UST: variants seen among roughly 807,000 people sequenced by gnomAD.
The protein encoded by UST is uronyl 2-sulfotransferase, also known as chondroitin sulfate 2-O-sulfotransferase.
UST carries 21 observed loss-of-function variants against 45.6 expected under a neutral mutation model. The ratio of observed to expected loss-of-function variants is 0.46; its 90% CI spans 0.33 to 0.66. The LOEUF (loss-of-function observed/expected upper bound fraction) is 0.66, where lower values mean the gene tolerates loss of function less well. UST is among the 30% of genes least tolerant of loss of function. UST has a pLI of 0.02. For missense variants in UST, 463 were observed against 512.4 expected, an observed-to-expected ratio of 0.90 and a Z score of 0.93; for synonymous variants, 215 against 200.6, an observed-to-expected ratio of 1.07 and a Z score of -0.61.
chr6:149,071,598 C>T (rs541836268), intron 7 of UST, among the ~76,000 whole-genome samples: 1 of 151,152 alleles, frequency 6.6e-6, no homozygotes, highest in South Asian at 2.1e-4. Flanking sequence ...AAAAGTCAGG[C>T]AATATGAGAA....
intron 7 of UST, among the ~76,000 whole-genome samples, chr6:149,066,910 A>T (rs1391581378): frequency 6.6e-6 from 1 of 152,124 alleles, no homozygotes; most frequent in Admixed American, 6.6e-5. Flanking sequence ...AGCCTGGGCA[A>T]CAGAGCAAGA....
At chr6:148,829,874 GGT>G (rs1777649784) in intron 1 of UST, among the ~76,000 whole-genome samples, 1 of 152,070 alleles carries the variant, frequency 6.6e-6, no homozygotes, top group South Asian at 2.1e-4. Context: ...TATTTTGGAA[GGT>G]GTTTTAAAAA....
At chr6:148,812,470 G>C (rs1483699711) in intron 1 of UST, among the ~76,000 whole-genome samples, 1 of 152,150 alleles carries the variant, frequency 6.6e-6, no homozygotes, top group African/African-American at 2.4e-5. Context: ...CAGTTTCTGG[G>C]GGTCAGGAAT....
intron 2 of UST, among the ~76,000 whole-genome samples, chr6:148,888,262 T>C (rs1778947653): frequency 1.3e-5 from 2 of 152,156 alleles, no homozygotes; most frequent in East Asian, 3.9e-4. Context: ...ACTGTCGCCA[T>C]GACAGCACCA....
intron 1 of UST, among the ~76,000 whole-genome samples, chr6:148,769,499 G>A (rs1024184584): frequency 6.6e-6 from 1 of 152,248 alleles, no homozygotes; most frequent in South Asian, 2.1e-4. Flanking sequence ...CCGTGCAGCT[G>A]TGTGACCTTG....
In UST at chr6:149,076,546, GCCAACACC is replaced by G. The variant is rs1776892275; in HGVS notation, c.*2432_*2439del. ...AGGGCCTTAATGTTATTTTGTCCCA[GCCAACACC>G]CTCTAGGTCCTAAAAGTCAAGGTAC... is the stretch of plus-strand genomic sequence containing the variant. On this transcript the variant is annotated 3_prime_UTR_variant, in exon 8 of 8. Coordinates refer to ENST00000367463, the MANE Select transcript of UST (RefSeq NM_005715.3). 1 of 152,592 alleles carries G rather than the reference GCCAACACC, an allele frequency of 6.6e-6. No individual in the cohort carries two copies. Among genetic ancestry groups the G allele is most frequent in the Admixed American group, 6.5e-5 (1 of 15,286 alleles). 9.5% of individuals were successfully genotyped at this position (152,592 alleles called of 1,614,324 possible).
intron 3 of UST, among the ~76,000 whole-genome samples, chr6:148,953,640 G>A (rs1780414082): frequency 1.3e-5 from 2 of 151,930 alleles, no homozygotes; most frequent in South Asian, 4.2e-4. Flanking sequence ...GCGTGGTGGC[G>A]GGCGCCTGTA....
chr6:148,785,152 G>T (rs1437978080), intron 1 of UST, among the ~76,000 whole-genome samples: 1 of 150,590 alleles, frequency 6.6e-6, no homozygotes, highest in African/African-American at 2.4e-5. Context: ...AGTGAGCCGA[G>T]ACTGAGCCAC....
At chr6:148,754,357 C>T (rs1395600119) in intron 1 of UST, among the ~76,000 whole-genome samples, 3 of 152,074 alleles carry the variant, frequency 2.0e-5, no homozygotes, top group African/African-American at 7.2e-5. Context: ...TATTTGGTTA[C>T]GTGAGTAAGT....
At chr6:148,872,461 G>A (rs139346279) in intron 1 of UST, among the ~76,000 whole-genome samples, 103 of 152,182 alleles carry the variant, frequency 6.8e-4, no homozygotes, top group African/African-American at 1.8e-3. Flanking sequence ...ACCTCTCTTC[G>A]GATTTCCAAC....
intron 3 of UST, among the ~76,000 whole-genome samples, chr6:148,947,370 C>G (rs1320712277): frequency 1.3e-5 from 2 of 152,172 alleles, no homozygotes; most frequent in African/African-American, 4.8e-5. Context: ...GGGGAGCGTT[C>G]TCACAATATG....
intron 1 of UST, among the ~76,000 whole-genome samples, chr6:148,839,760 A>G (rs995141556): frequency 6.6e-6 from 1 of 152,160 alleles, no homozygotes; most frequent in Admixed American, 6.5e-5. Flanking sequence ...AGTTTCCCAG[A>G]TGATGCTATG....
At chr6:148,761,968 A>G (rs9498149) in intron 1 of UST, among the ~76,000 whole-genome samples, 4,539 of 152,276 alleles carry the variant, frequency 0.03, 98 homozygotes, top group Non-Finnish European at 0.043. Flanking sequence ...ATAAATATAA[A>G]AACCAAATGG....
At chr6:148,773,023 G>C (rs1212733268) in intron 1 of UST, among the ~76,000 whole-genome samples, 3 of 151,972 alleles carry the variant, frequency 2.0e-5, no homozygotes, top group Non-Finnish European at 4.4e-5. Flanking sequence ...TGGTGGGTAC[G>C]TGATCTCACA....
chr6:148,780,568 T>G (rs977593072), intron 1 of UST, among the ~76,000 whole-genome samples: 2 of 152,240 alleles, frequency 1.3e-5, no homozygotes, highest in African/African-American at 4.8e-5. Flanking sequence ...GTTAGTTTGC[T>G]AAGGATAATG....
Position 148,902,749 on chromosome 6 carries a change from T to A in UST, c.291+15720T>A, listed in dbSNP as rs543025717. Among the ~76,000 whole-genome samples, 24 of 152,244 alleles carry A rather than the reference T, an allele frequency of 1.6e-4. No homozygotes were observed. In the South Asian group the frequency reaches 1.9e-3, roughly 12 times the overall value. On this transcript the variant is annotated intron_variant, in intron 2 of 7. Transcript: ENST00000367463. ...TTGGATTTTGGACCTCCAGGAGTAGTTGTCTGTGTTTCTTGGCCTTGTTCC... is the reference window on the plus strand; with the variant it reads ...TTGGATTTTGGACCTCCAGGAGTAGATGTCTGTGTTTCTTGGCCTTGTTCC...
chr6:149,049,931 T>TCACACACACA (rs59151398), intron 7 of UST, among the ~76,000 whole-genome samples: 69 of 134,542 alleles, frequency 5.1e-4, no homozygotes, highest in Non-Finnish European at 7.8e-4. Flanking sequence ...TCTCTCTCTC[T>TCACACACACA]CACACACACA....
At chr6:148,973,392 A>T (rs1376898981) in intron 5 of UST, among the ~76,000 whole-genome samples, 18 of 152,240 alleles carry the variant, frequency 1.2e-4, no homozygotes, top group Admixed American at 1.2e-3. Flanking sequence ...AGGCACTTGG[A>T]GTCCATTGCC....
chr6:148,886,502 G>T (rs138655278), intron 1 of UST, among the ~76,000 whole-genome samples: 133 of 152,334 alleles, frequency 8.7e-4, no homozygotes, highest in African/African-American at 2.6e-3. Flanking sequence ...AGCCTGAAGA[G>T]AGAAGAGAAA....
Sources: gnomAD v4.1 joint callset for allele counts (sites outside exome capture counted in the v4.1 genomes callset) on GRCh38, gnomAD v4.1.1 for gene constraint, MANE v1.5 for transcripts, NCBI Gene and HGNC (gene_info 2026-07-23, HGNC 2026-07-21) for gene names.